The following DGKI variants were observed in gnomAD, a reference collection of about 807,000 sequenced individuals.
DGKI encodes the protein diacylglycerol kinase iota, also known as DAG kinase iota.
Under a neutral mutation model 147.5 loss-of-function variants are expected in DGKI, and 55 were observed. The observed-to-expected ratio is 0.37, with a 90% CI of 0.30 to 0.47. The LOEUF is 0.47. Among genes scored for constraint, DGKI ranks in the 20% least tolerant of loss-of-function variants. DGKI has a pLI of 1.00. For missense variants in DGKI, 1,007 were observed against 1,323.8 expected, an observed-to-expected ratio of 0.76 and a Z score of 3.71; for synonymous variants, 469 against 477.1, an observed-to-expected ratio of 0.98 and a Z score of 0.22.
In DGKI at chr7:137,524,603, T is replaced by A. The variant is rs1204068597; in HGVS notation, c.2148-2637A>T. ...TCTGATAATCCCTTTATTTCCAAGT[T>A]CACTCAACTGATCTGCAAAGACTGT... On this transcript the variant is annotated intron_variant, in intron 20 of 32. Transcript: ENST00000614521. 3.3e-5 allele frequency among the ~76,000 whole-genome samples: 5 copies of A among 152,046 alleles called. No individual in the cohort carries two copies. The East Asian group carries it at 9.7e-4, about 29-fold the overall frequency.
At chr7:137,785,046 G>A (rs1250205641) in intron 1 of DGKI, among the ~76,000 whole-genome samples, 1 of 151,670 alleles carries the variant, frequency 6.6e-6, no homozygotes, top group Non-Finnish European at 1.5e-5. Flanking sequence ...ACGATCTAAG[G>A]TCACACCTCA....
intron 3 of DGKI, among the ~76,000 whole-genome samples, chr7:137,678,082 A>G (rs1182772953): frequency 2.0e-5 from 3 of 152,202 alleles, no homozygotes; most frequent in African/African-American, 7.2e-5. Flanking sequence ...TCCAGAACTT[A>G]GTCTGGATTA....
At chr7:137,599,715 A>G in intron 11 of DGKI, 108 bp downstream of exon 11, 2 of 921,300 alleles carry the variant, frequency 2.2e-6, no homozygotes, top group Non-Finnish European at 3.4e-6. Context: ...GTGAGAAGGT[A>G]GATGACAGAT....
At position 137,751,100 on chromosome 7, in the gene DGKI, G is replaced by A. The variant is rs1795478129; in HGVS notation, c.402-61098C>T. 2.0e-5 allele frequency among the ~76,000 whole-genome samples: 3 copies of A among 152,292 alleles called. No individual in the cohort carries two copies. In the South Asian group the frequency reaches 6.2e-4, roughly 32 times the overall value. On this transcript the variant is annotated intron_variant, in intron 1 of 32. Coordinates refer to ENST00000614521, the MANE Select transcript of DGKI (RefSeq NM_001321708.2). The stretch of plus-strand genomic sequence containing the variant: ...AAGGCTTGAAATGAAGCATCTTTGT[G>A]TCTATTATAACTTTGGGCTTCATGT...
At chr7:137,645,747 T>C (rs573458287) in intron 5 of DGKI, among the ~76,000 whole-genome samples, 2 of 152,308 alleles carry the variant, frequency 1.3e-5, no homozygotes, top group East Asian at 3.9e-4. Context: ...TGTTTTAATT[T>C]GCAAATCTCA....
intron 1 of DGKI, among the ~76,000 whole-genome samples, chr7:137,716,556 C>T (rs1794382896): frequency 1.3e-5 from 2 of 152,160 alleles, no homozygotes; most frequent in African/African-American, 4.8e-5. Flanking sequence ...AATGAAATCA[C>T]TATTCTCTCA....
chr7:137,746,529 C>T (rs978374322), intron 1 of DGKI, among the ~76,000 whole-genome samples: 3 of 152,254 alleles, frequency 2.0e-5, no homozygotes, highest in South Asian at 2.1e-4. Context: ...TGGCAGCCAT[C>T]CTGGGAGGAA....
intron 1 of DGKI, among the ~76,000 whole-genome samples, chr7:137,700,075 C>T (rs910730559): frequency 6.6e-6 from 1 of 152,160 alleles, no homozygotes; most frequent in Admixed American, 6.5e-5. Flanking sequence ...ACCTAACTAC[C>T]TACTTCGATG....
intron 1 of DGKI, among the ~76,000 whole-genome samples, chr7:137,754,794 A>AGCTG (rs1231546720): frequency 1.3e-5 from 2 of 152,166 alleles, no homozygotes; most frequent in African/African-American, 4.8e-5. Flanking sequence ...TCCTTGGAAG[A>AGCTG]GCTGGCTTCA....
chr7:137,747,806 G>T (rs1795384817), intron 1 of DGKI, among the ~76,000 whole-genome samples: 1 of 152,100 alleles, frequency 6.6e-6, no homozygotes, highest in African/African-American at 2.4e-5. Context: ...CAAAGAGTAG[G>T]CAACCTAAAC....
intron 29 of DGKI, among the ~76,000 whole-genome samples, chr7:137,410,330 G>A (rs184814894): frequency 3.3e-5 from 5 of 152,300 alleles, no homozygotes; most frequent in South Asian, 4.1e-4. Context: ...GCGTGAACCC[G>A]GGAGGCGGAG....
chr7:137,759,733 T>A (rs935147429), intron 1 of DGKI, among the ~76,000 whole-genome samples: 4 of 152,156 alleles, frequency 2.6e-5, no homozygotes, highest in African/African-American at 9.7e-5. Flanking sequence ...AATTCTTAAC[T>A]AATTACAGGC....
chr7:137,745,817 A>G (rs749460577), intron 1 of DGKI, among the ~76,000 whole-genome samples: 11 of 152,246 alleles, frequency 7.2e-5, no homozygotes, highest in Non-Finnish European at 1.0e-4. Flanking sequence ...TAAGATCTAC[A>G]GTAAGACCAA....
At chr7:137,595,782 T>A (rs1462000773) in intron 12 of DGKI, among the ~76,000 whole-genome samples, 2 of 151,618 alleles carry the variant, frequency 1.3e-5, no homozygotes, top group Non-Finnish European at 2.9e-5. Flanking sequence ...GGCAGGTGGA[T>A]CACGAGGTCA....
intron 21 of DGKI, among the ~76,000 whole-genome samples, chr7:137,513,088 T>C (rs1459770889): frequency 6.6e-6 from 1 of 152,200 alleles, no homozygotes; most frequent in Non-Finnish European, 1.5e-5. Context: ...CTTCCTCTTT[T>C]TTTCCAGAAC....
chr7:137,391,051 G>A lies in DGKI; in HGVS notation c.*169C>T, dbSNP rs1585068472. ...CCTTCTCAATGGGCTATCATGTTCTGTTGTACATCTTGGTAGCCCTTAAAA... is the reference window on the plus strand; with the variant it reads ...CCTTCTCAATGGGCTATCATGTTCTATTGTACATCTTGGTAGCCCTTAAAA... On this transcript the variant is annotated 3_prime_UTR_variant, in exon 33 of 33. Transcript: ENST00000614521. 6.2e-6 allele frequency: 4 copies of A among 643,066 alleles called. No individual in the cohort carries two copies. The highest frequency in any genetic ancestry group is 8.3e-6 in the Non-Finnish European group (3 of 360,292). The allele number at this position is 643,066 out of a possible 1,614,324, so 39.8% of individuals were successfully genotyped here.
intron 1 of DGKI, among the ~76,000 whole-genome samples, chr7:137,802,398 A>G (rs1797241871): frequency 6.6e-6 from 1 of 152,204 alleles, no homozygotes; most frequent in Non-Finnish European, 1.5e-5. Flanking sequence ...GATTTTTAAT[A>G]TCTTTCTGGG....
rs916850556 is a variant in DGKI at position 137,694,247 on chromosome 7, A to G, written c.402-4245T>C. 3.3e-5 allele frequency among the ~76,000 whole-genome samples: 5 copies of G among 150,766 alleles called. No homozygotes were observed. The Middle Eastern group carries it at 0.01, about 310-fold the overall frequency. ...GAGGAAAGAGAATGGCATGAACCCC[A>G]GGGGGCGGAGCCTGCAGTGAGCGGA... is the stretch of plus-strand genomic sequence containing the variant. On this transcript the variant is annotated intron_variant, in intron 1 of 32. Coordinates refer to ENST00000614521, the MANE Select transcript of DGKI (RefSeq NM_001321708.2).
chr7:137,542,723 G>A (rs987912228), intron 20 of DGKI, among the ~76,000 whole-genome samples: 1 of 152,052 alleles, frequency 6.6e-6, no homozygotes, highest in Non-Finnish European at 1.5e-5. Context: ...TTATGGAACT[G>A]TACACCAGAA....
Sources: allele counts gnomAD v4.1 joint callset (sites outside exome capture counted in the v4.1 genomes callset), GRCh38; gene constraint gnomAD v4.1.1; transcripts MANE v1.5; gene names NCBI Gene and HGNC (gene_info 2026-07-23, HGNC 2026-07-21).